Variants in COL27A1 observed in about 807,000 individuals in gnomAD.
COL27A1 encodes collagen alpha-1(XXVII) chain.
COL27A1 carries 106 observed loss-of-function variants against 251.3 expected under a neutral mutation model. The observed-to-expected ratio is 0.42, with a 90% CI of 0.36 to 0.50. The LOEUF (loss-of-function observed/expected upper bound fraction) is 0.50. COL27A1 is among the 20% of genes least tolerant of loss of function. The pLI, the probability that COL27A1 is intolerant of heterozygous loss-of-function variation, is 0.00. For missense variants in COL27A1, 2,325 were observed against 2,522.8 expected (o/e 0.92, Z 1.68); for synonymous variants, 1,000 against 986.3 (o/e 1.01, Z -0.26).
In COL27A1 at chr9:114,169,041, G is replaced by A; in HGVS notation, c.1486G>A (p.Gly496Ser). Residue 496 changes from glycine to serine, a missense_variant, in exon 3 of 61, where the codon GGT (glycine) becomes AGT (serine). This residue lies in a region of COL27A1 where 1,183 missense variants were observed against 1,144.1 expected (regional missense o/e 1.03). Transcript: ENST00000356083. Reference protein sequence around the residue: ...ALSSSPAPTPGSTRSTRPPAT... With the variant: ...ALSSSPAPTPSSTRSTRPPAT... ...ATCCTCATCTCCTGCCCCTACTCCTGGTTCTACCAGGAGTACTCGGCCACC... is the reference window on the plus strand; with the variant it reads ...ATCCTCATCTCCTGCCCCTACTCCTAGTTCTACCAGGAGTACTCGGCCACC... 1 of 1,613,924 alleles carries A rather than the reference G, an allele frequency of 6.2e-7. No homozygotes were observed. The highest frequency in any genetic ancestry group is 8.5e-7 in the Non-Finnish European group (1 of 1,179,968).
intron 12 of COL27A1, among the ~76,000 whole-genome samples, chr9:114,215,168 T>C (rs28461407): frequency 0.013 from 2,029 of 152,288 alleles, 48 homozygotes; most frequent in African/African-American, 0.045. Context: ...TGGGGTGTGG[T>C]TCAGGGATGA....
At chr9:114,156,261 C>G (rs1271107678) in intron 1 of COL27A1, among the ~76,000 whole-genome samples, 2 of 136,032 alleles carry the variant, frequency 1.5e-5, no homozygotes, top group Non-Finnish European at 3.2e-5. Flanking sequence ...GGGGCAGAGC[C>G]AGCCCGGGGG....
chr9:114,262,234 C>T (rs1834391899), intron 28 of COL27A1, among the ~76,000 whole-genome samples: 2 of 152,308 alleles, frequency 1.3e-5, no homozygotes, highest in South Asian at 4.1e-4. Flanking sequence ...AGCCTAATGA[C>T]GTGGTGTGAC....
chr9:114,187,042 G>A (rs1828399796), intron 5 of COL27A1, among the ~76,000 whole-genome samples: 1 of 152,252 alleles, frequency 6.6e-6, no homozygotes, highest in Non-Finnish European at 1.5e-5. Flanking sequence ...TTGGTCTGCA[G>A]TGAACTAGCC....
At chr9:114,293,436 T>A (rs1445090144) in intron 49 of COL27A1, among the ~76,000 whole-genome samples, 1 of 151,578 alleles carries the variant, frequency 6.6e-6, no homozygotes, top group African/African-American at 2.4e-5. Context: ...AGAAGACAGG[T>A]CTCAAATAAA....
intron 3 of COL27A1, among the ~76,000 whole-genome samples, chr9:114,177,260 T>C (rs2135139607): frequency 6.6e-6 from 1 of 152,338 alleles, no homozygotes; most frequent in Admixed American, 6.5e-5. Context: ...GTAAGTCTGC[T>C]CGGCTGCCTC....
chr9:114,305,137 G>A (rs1304769425), intron 57 of COL27A1, among the ~76,000 whole-genome samples: 1 of 152,198 alleles, frequency 6.6e-6, no homozygotes, highest in Non-Finnish European at 1.5e-5. Flanking sequence ...ATGTCCTCTA[G>A]TCCAGCCTCG....
At chr9:114,230,961 T>C in intron 14 of COL27A1, 118 bp from the exon 15 acceptor site, 1 of 728,378 alleles carries the variant, frequency 1.4e-6, no homozygotes, top group Admixed American at 2.5e-5. Flanking sequence ...AGATCAATCC[T>C]ACAGAGTTGC....
Position 114,235,589 on chromosome 9 carries a change from G to A in COL27A1, c.2566-10G>A, listed in dbSNP as rs372617716. 48 of 1,612,772 alleles carry A rather than the reference G, an allele frequency of 3.0e-5. No individual in the cohort carries two copies. The highest frequency in any genetic ancestry group is 3.3e-4 in the Middle Eastern group (2 of 6,062). On this transcript the variant is annotated splice_polypyrimidine_tract_variant and intron_variant, in intron 16 of 60. Coordinates refer to ENST00000356083, the MANE Select transcript of COL27A1 (RefSeq NM_032888.4). Reference sequence around the variant, plus strand: ...CTCCATTGTAACCTTCTTTGCTGGTGTGTACTTAGGGTGAACAAGGGGTTC... The same window carrying A: ...CTCCATTGTAACCTTCTTTGCTGGTATGTACTTAGGGTGAACAAGGGGTTC...
At chr9:114,166,148 C>T (rs1451165032) in intron 2 of COL27A1, among the ~76,000 whole-genome samples, 11 of 151,844 alleles carry the variant, frequency 7.2e-5, no homozygotes, top group South Asian at 2.1e-4. Flanking sequence ...TCCATCCATC[C>T]GTCCATCCAT....
intron 5 of COL27A1, among the ~76,000 whole-genome samples, chr9:114,183,297 T>C (rs565012251): frequency 6.6e-6 from 1 of 152,282 alleles, no homozygotes; most frequent in African/African-American, 2.4e-5. Flanking sequence ...GTCGGGCAGT[T>C]GGAACCCAGA....
chr9:114,300,302 T>A (rs1828529239), intron 50 of COL27A1, 179 bp downstream of exon 50: 1 of 646,910 alleles, frequency 1.5e-6, no homozygotes, highest in Non-Finnish European at 2.7e-6. Flanking sequence ...CAAGCCCAGC[T>A]ACACAATTAC....
chr9:114,211,502 A>G (rs1830363869), intron 12 of COL27A1, among the ~76,000 whole-genome samples: 1 of 152,250 alleles, frequency 6.6e-6, no homozygotes, highest in Non-Finnish European at 1.5e-5. Flanking sequence ...CACAGCAGGC[A>G]TGACCGAAAG....
intron 45 of COL27A1, among the ~76,000 whole-genome samples, 191 bp from the exon 46 acceptor site, chr9:114,289,867 G>A (rs534633367): frequency 3.4e-4 from 52 of 152,300 alleles, no homozygotes; most frequent in African/African-American, 1.2e-3. Flanking sequence ...CCCAGAGCAG[G>A]CTCAGTGACA....
Position 114,191,988 on chromosome 9 carries a change from C to T in COL27A1, c.2017-2416C>T, listed in dbSNP as rs1330064251. On this transcript the variant is annotated intron_variant, in intron 5 of 60. Coordinates refer to ENST00000356083, the MANE Select transcript of COL27A1 (RefSeq NM_032888.4). ...CATGGACATGAGTGTGTCTGTTCCC[C>T]ACCATGGCATTCCCTGTCTTCTGTT... Among the ~76,000 whole-genome samples the T allele has an allele frequency of 2.0e-5, 3 of 152,182 alleles. No individual in the cohort carries two copies. The East Asian group carries it at 5.8e-4, about 29-fold the overall frequency.
intron 5 of COL27A1, among the ~76,000 whole-genome samples, chr9:114,189,446 C>G (rs1334267671): frequency 2.0e-5 from 3 of 152,184 alleles, no homozygotes; most frequent in Admixed American, 2.0e-4. Flanking sequence ...TATCCTCCTT[C>G]TTTTCTTCAT....
chr9:114,283,520 C>T lies in COL27A1; in HGVS notation c.3880-189C>T, dbSNP rs566369064. Among the ~76,000 whole-genome samples, 17 of 146,926 alleles carry T rather than the reference C, an allele frequency of 1.2e-4. No homozygotes were observed. The South Asian group carries it at 2.0e-3, about 17-fold the overall frequency. On this transcript the variant is annotated intron_variant, in intron 39 of 60. Transcript: ENST00000356083. ...GGAGCCAGGAGAAGGAGGGCTGGGG[C>T]AGGGGTGGGGAACTCCAGGGAGGAG...
chr9:114,263,396 C>T (rs1441239677), intron 28 of COL27A1, among the ~76,000 whole-genome samples: 1 of 152,130 alleles, frequency 6.6e-6, no homozygotes, highest in African/African-American at 2.4e-5. Context: ...CCAGGATGGG[C>T]TGGCCTCCTC....
Position 114,236,350 on chromosome 9 carries a change from G to T in COL27A1, c.2620-631G>T, listed in dbSNP as rs370061094. Among the ~76,000 whole-genome samples the T allele has an allele frequency of 1.2e-4, 18 of 152,320 alleles. No individual in the cohort carries two copies. The East Asian group carries it at 3.5e-3, about 29-fold the overall frequency. On this transcript the variant is annotated intron_variant, in intron 17 of 60. Transcript: ENST00000356083. ...CTCCAGACTGCCCTGATGGAGCTCG[G>T]CTCAGGGTCCTGTCCTTGATCATGA...
Sources: gnomAD v4.1 joint callset for allele counts (sites outside exome capture counted in the v4.1 genomes callset) on GRCh38, gnomAD v4.1.1 for gene constraint, gnomAD v4.1.1 regional missense constraint, MANE v1.5 for transcripts, NCBI Gene and HGNC (gene_info 2026-07-23, HGNC 2026-07-21) for gene names.